The following ACYP2 variants were observed in gnomAD, a reference collection of about 807,000 sequenced individuals.
ACYP2 encodes the protein acylphosphatase-2.
A neutral mutation model predicts 11.2 loss-of-function variants in ACYP2; 12 were observed. The ratio of observed to expected loss-of-function variants is 1.08; its 90% CI spans 0.69 to 1.74. The LOEUF (loss-of-function observed/expected upper bound fraction) is 1.74, where lower values mean the gene tolerates loss of function less well. ACYP2 is among the 40% of genes most tolerant of loss of function. ACYP2 has a pLI of 0.00. For missense variants in ACYP2, 134 were observed against 101.9 expected (o/e 1.31, Z -1.35); for synonymous variants, 43 against 32.2 (o/e 1.33, Z -1.13).
intron 4 of ACYP2, among the ~76,000 whole-genome samples, chr2:54,100,507 C>T (rs1678837437): frequency 6.6e-6 from 1 of 151,918 alleles, no homozygotes; most frequent in South Asian, 2.1e-4. Context: ...TATGGTCTCC[C>T]TCTGTTGCCC....
At position 54,099,490 on chromosome 2, in the gene ACYP2, G is replaced by C. The variant is rs77520667; in HGVS notation, c.278-35963G>C. Among the ~76,000 whole-genome samples, 199 of 152,136 alleles carry C rather than the reference G, an allele frequency of 1.3e-3. 1 individual carries two copies. The highest frequency in any genetic ancestry group is 4.7e-3 in the African/African-American group (197 of 41,518). Reference sequence around the variant, plus strand: ...ACCATTCTACTCTCTGCTTCTATGAGATCAGTGTTTTTAGATTCCACATAT... The same window carrying C: ...ACCATTCTACTCTCTGCTTCTATGACATCAGTGTTTTTAGATTCCACATAT... On this transcript the variant is annotated intron_variant, in intron 4 of 6. Coordinates refer to ENST00000607452, the MANE Select transcript of ACYP2 (RefSeq NM_001320586.2).
chr2:54,046,167 CAAAAAAAAAAA>C (rs36114622), intron 2 of ACYP2, among the ~76,000 whole-genome samples: 2 of 55,844 alleles, frequency 3.6e-5, no homozygotes, highest in South Asian at 9.4e-4. Context: ...CAGACCCTGT[CAAAAAAAAAAA>C]AAAAAAAAAA....
intron 4 of ACYP2, among the ~76,000 whole-genome samples, chr2:54,064,265 C>T (rs1030499459): frequency 6.6e-6 from 1 of 152,122 alleles, no homozygotes; most frequent in Non-Finnish European, 1.5e-5. Context: ...GCTCAGCTCC[C>T]AGGTGGTTAG....
intron 2 of ACYP2, among the ~76,000 whole-genome samples, chr2:53,974,160 C>T (rs1306540649): frequency 5.3e-5 from 8 of 151,918 alleles, no homozygotes; most frequent in East Asian, 1.9e-4. Flanking sequence ...GTGATCCGCC[C>T]GCCTTGGACT....
intron 2 of ACYP2, among the ~76,000 whole-genome samples, chr2:54,041,106 TTTC>T (rs1359312623): frequency 1.9e-5 from 2 of 102,760 alleles, no homozygotes; most frequent in African/African-American, 8.1e-5. Context: ...TCTTTCTTTC[TTTC>T]TTTTTTTTTG....
intron 6 of ACYP2, among the ~76,000 whole-genome samples, chr2:54,180,930 T>A (rs843679): frequency 1.3e-5 from 2 of 151,996 alleles, no homozygotes; most frequent in African/African-American, 4.8e-5. Context: ...AATCACCTTT[T>A]AAAGGACCCA....
intron 4 of ACYP2, among the ~76,000 whole-genome samples, chr2:54,068,561 G>C (rs1676863122): frequency 6.6e-6 from 1 of 152,204 alleles, no homozygotes; most frequent in Non-Finnish European, 1.5e-5. Context: ...GGTCCAAAGA[G>C]AACTGCTTGG....
chr2:54,233,465 C>T (rs1378483381), intron 6 of ACYP2, among the ~76,000 whole-genome samples: 1 of 151,946 alleles, frequency 6.6e-6, no homozygotes, highest in African/African-American at 2.4e-5. Context: ...CCTGGCTAAC[C>T]TGGCTAATTT....
intron 6 of ACYP2, among the ~76,000 whole-genome samples, chr2:54,207,171 A>ATGTGTGTGTGTGTGTG (rs1462290345): frequency 2.5e-3 from 174 of 68,478 alleles, no homozygotes; most frequent in East Asian, 0.011. Flanking sequence ...TACAACATGT[A>ATGTGTGTGTGTGTGTG]TATGTGTGTG....
At chr2:53,975,014 G>T (rs575539330) in intron 2 of ACYP2, among the ~76,000 whole-genome samples, 20 of 152,136 alleles carry the variant, frequency 1.3e-4, no homozygotes, top group African/African-American at 4.1e-4. Context: ...TTGGATTTAA[G>T]ATTTCGAAGA....
chr2:54,272,801 G>A (rs972314759), intron 6 of ACYP2, among the ~76,000 whole-genome samples: 3 of 152,198 alleles, frequency 2.0e-5, no homozygotes, highest in Non-Finnish European at 4.4e-5. Context: ...ATGAATGAAT[G>A]AATGAGGCAA....
At chr2:54,232,431 A>G (rs1160712275) in intron 6 of ACYP2, among the ~76,000 whole-genome samples, 1 of 152,152 alleles carries the variant, frequency 6.6e-6, no homozygotes, top group Non-Finnish European at 1.5e-5. Flanking sequence ...CCCTGAGTCA[A>G]TCAACGGACA....
chr2:54,234,972 T>C (rs897647580), intron 6 of ACYP2, among the ~76,000 whole-genome samples: 2 of 152,242 alleles, frequency 1.3e-5, no homozygotes, highest in African/African-American at 4.8e-5. Context: ...TAGATCCTGT[T>C]CAGACATTTT....
chr2:54,027,118 C>G (rs1473606664), intron 2 of ACYP2, among the ~76,000 whole-genome samples: 1 of 152,148 alleles, frequency 6.6e-6, no homozygotes, highest in East Asian at 1.9e-4. Context: ...CCAGTTTCCT[C>G]TATTATTAAC....
intron 6 of ACYP2, among the ~76,000 whole-genome samples, chr2:54,177,880 TC>T (rs1683531572): frequency 6.8e-6 from 1 of 147,346 alleles, no homozygotes; most frequent in African/African-American, 2.5e-5. Context: ...GTGTCCGGCC[TC>T]CTGTTTCTTT....
chr2:54,282,025 A>G (rs141870428), intron 6 of ACYP2, among the ~76,000 whole-genome samples: 199 of 152,358 alleles, frequency 1.3e-3, no homozygotes, highest in African/African-American at 4.7e-3. Context: ...AAAGGAGCCA[A>G]AGTGACTGTT....
chr2:54,161,452 G>A (rs369388708), intron 6 of ACYP2, among the ~76,000 whole-genome samples: 8 of 152,166 alleles, frequency 5.3e-5, no homozygotes, highest in Admixed American at 1.3e-4. Context: ...ACTCAAGGGC[G>A]TATAGCAAGC....
chr2:54,244,129 A>T (rs1481701494), intron 6 of ACYP2, among the ~76,000 whole-genome samples: 1 of 152,130 alleles, frequency 6.6e-6, no homozygotes, highest in Non-Finnish European at 1.5e-5. Context: ...TTTATTAAAA[A>T]CACCTCTCCA....
At chr2:54,254,835 G>C in intron 6 of ACYP2, 1 of 1,355,154 alleles carries the variant, frequency 7.4e-7, no homozygotes, top group Non-Finnish European at 1.0e-6. Context: ...AAAAGTAAAG[G>C]GCATACCTAA....
Sources: gnomAD v4.1 joint callset for allele counts (sites outside exome capture counted in the v4.1 genomes callset) on GRCh38, gnomAD v4.1.1 for gene constraint, MANE v1.5 for transcripts, NCBI Gene and HGNC (gene_info 2026-07-23, HGNC 2026-07-21) for gene names.